The following SMYD3 variants were observed in gnomAD, a reference collection of about 807,000 sequenced individuals.
The protein encoded by SMYD3 is SET and MYND domain containing 3.
SMYD3 carries 36 observed loss-of-function variants against 57.7 expected under a neutral mutation model. The observed-to-expected ratio is 0.62, with a 90% CI of 0.48 to 0.82. The LOEUF is 0.82. Ranked by LOEUF, SMYD3 falls within the 40% of genes least tolerant of loss-of-function variation. SMYD3 has a pLI of 0.00. For synonymous variants in SMYD3, 211 were observed against 195.0 expected (o/e 1.08, Z -0.68); for missense variants, 515 against 538.8 (o/e 0.96, Z 0.44).
chr1:245,960,518 C>T (rs1045765313), intron 5 of SMYD3, among the ~76,000 whole-genome samples: 3 of 152,062 alleles, frequency 2.0e-5, no homozygotes, highest in African/African-American at 7.2e-5. Flanking sequence ...ACTTAGAAGG[C>T]CGAGGCCAGC....
intron 5 of SMYD3, among the ~76,000 whole-genome samples, chr1:246,041,031 C>T (rs1240924277): frequency 6.6e-6 from 1 of 152,192 alleles, no homozygotes; most frequent in Non-Finnish European, 1.5e-5. Context: ...GATTATAATA[C>T]TGTATTTTTA....
chr1:246,065,534 T>TA (rs1417586461), intron 5 of SMYD3, among the ~76,000 whole-genome samples: 3 of 152,236 alleles, frequency 2.0e-5, no homozygotes, highest in Non-Finnish European at 4.4e-5. Context: ...GAGGCAATGT[T>TA]AAAGTATGCT....
At position 245,971,987 on chromosome 1, in the gene SMYD3, A is replaced by C. The variant is rs140372003; in HGVS notation, c.532-42050T>G. On this transcript the variant is annotated intron_variant, in intron 5 of 11. Transcript: ENST00000490107. ...GCAAACACTACGCTGTACAGAGTCT[A>C]GTCACCTATAGTCACTGCTGATCTT... is the stretch of plus-strand genomic sequence containing the variant. Among the ~76,000 whole-genome samples the C allele has an allele frequency of 4.9e-3, 753 of 152,256 alleles. 8 individuals carry two copies. The highest frequency in any genetic ancestry group is 0.017 in the African/African-American group (708 of 41,550).
chr1:246,256,789 C>T (rs1336399042), intron 5 of SMYD3, among the ~76,000 whole-genome samples: 5 of 152,070 alleles, frequency 3.3e-5, no homozygotes, highest in Admixed American at 2.6e-4. Flanking sequence ...TTCTAACTTC[C>T]TGCGGTAGGT....
At chr1:246,364,873 T>A (rs953908652) in intron 1 of SMYD3, among the ~76,000 whole-genome samples, 2 of 152,038 alleles carry the variant, frequency 1.3e-5, no homozygotes, top group Admixed American at 6.5e-5. Context: ...CTGGATACAA[T>A]CAAGTCAACA....
intron 11 of SMYD3, among the ~76,000 whole-genome samples, chr1:245,754,804 T>G (rs1012918710): frequency 6.6e-6 from 1 of 152,222 alleles, no homozygotes; most frequent in Non-Finnish European, 1.5e-5. Flanking sequence ...ACTTGGCCCT[T>G]GCCCTGGGAG....
At chr1:246,453,501 G>A (rs960223576) in intron 1 of SMYD3, among the ~76,000 whole-genome samples, 5 of 151,994 alleles carry the variant, frequency 3.3e-5, no homozygotes, top group African/African-American at 1.2e-4. Flanking sequence ...TGACAAAAAA[G>A]GTAAAATAAC....
At chr1:245,989,607 C>T (rs926863980) in intron 5 of SMYD3, among the ~76,000 whole-genome samples, 4 of 152,228 alleles carry the variant, frequency 2.6e-5, no homozygotes, top group Non-Finnish European at 4.4e-5. Context: ...GCAAACACAA[C>T]GAAGGCTTCT....
chr1:245,776,115 C>T (rs2046580084), intron 10 of SMYD3, among the ~76,000 whole-genome samples: 1 of 152,224 alleles, frequency 6.6e-6, no homozygotes. Context: ...AAGTAACATA[C>T]TTTCTTTACA....
intron 11 of SMYD3, among the ~76,000 whole-genome samples, chr1:245,762,619 G>C (rs1226792387): frequency 1.3e-5 from 2 of 152,208 alleles, no homozygotes; most frequent in African/African-American, 4.8e-5. Flanking sequence ...GAATAGCTGA[G>C]TGCCCTCAGG....
chr1:246,052,778 T>C (rs973300876), intron 5 of SMYD3: 4 of 152,238 alleles, frequency 2.6e-5, no homozygotes. Flanking sequence ...TCAGGTGCAG[T>C]TATGACATCT....
chr1:246,072,543 C>T (rs993444976), intron 5 of SMYD3, among the ~76,000 whole-genome samples: 1 of 152,166 alleles, frequency 6.6e-6, no homozygotes, highest in Non-Finnish European at 1.5e-5. Context: ...AAGATGTGTA[C>T]AGGTGCCAGA....
chr1:245,954,373 CG>C (rs771811236), intron 5 of SMYD3, among the ~76,000 whole-genome samples: 14 of 152,170 alleles, frequency 9.2e-5, no homozygotes, highest in Non-Finnish European at 1.9e-4. Flanking sequence ...GAAAAGGGGA[CG>C]ATAAAGAAAG....
chr1:246,237,379 C>A (rs2063529588), intron 5 of SMYD3, among the ~76,000 whole-genome samples: 1 of 152,152 alleles, frequency 6.6e-6, no homozygotes, highest in African/African-American at 2.4e-5. Context: ...TCACACTTCA[C>A]ATTAAATTTA....
intron 1 of SMYD3, among the ~76,000 whole-genome samples, chr1:246,505,182 T>C (rs968675468): frequency 6.6e-6 from 1 of 152,160 alleles, no homozygotes; most frequent in Admixed American, 6.5e-5. Context: ...CTTATATCCC[T>C]TTTTCTATGT....
chr1:246,316,358 T>TG (rs921994371), intron 5 of SMYD3, among the ~76,000 whole-genome samples: 3 of 145,582 alleles, frequency 2.1e-5, no homozygotes, highest in African/African-American at 7.7e-5. Context: ...CCTGTCTTCA[T>TG]GGGTTTTTTT....
At chr1:245,972,392 T>C (rs2058323498) in intron 5 of SMYD3, among the ~76,000 whole-genome samples, 1 of 152,206 alleles carries the variant, frequency 6.6e-6, no homozygotes, top group South Asian at 2.1e-4. Context: ...CACAGATTTT[T>C]AAATCAGATA....
intron 1 of SMYD3, among the ~76,000 whole-genome samples, chr1:246,367,771 T>A (rs1175070806): frequency 1.3e-5 from 2 of 152,184 alleles, no homozygotes; most frequent in Non-Finnish European, 2.9e-5. Flanking sequence ...AATGTATCAG[T>A]CAGAGAAAAG....
chr1:245,781,044 G>C (rs1205255910), intron 10 of SMYD3, among the ~76,000 whole-genome samples: 1 of 152,190 alleles, frequency 6.6e-6, no homozygotes, highest in East Asian at 1.9e-4. Context: ...AGAAAAAGCT[G>C]AACTATGGAG....
Sources: gnomAD v4.1 joint callset for allele counts (sites outside exome capture counted in the v4.1 genomes callset) on GRCh38, gnomAD v4.1.1 for gene constraint, MANE v1.5 for transcripts, NCBI Gene and HGNC (gene_info 2026-07-23, HGNC 2026-07-21) for gene names.